The following OSBPL3 variants were observed in gnomAD, a reference collection of about 807,000 sequenced individuals.
OSBPL3 encodes oxysterol binding protein like 3.
A neutral mutation model predicts 120.1 loss-of-function variants in OSBPL3; 65 were observed. The ratio of observed to expected loss-of-function variants is 0.54; its 90% CI spans 0.44 to 0.67. The LOEUF (loss-of-function observed/expected upper bound fraction) is 0.67. Ranked by LOEUF, OSBPL3 falls within the 30% of genes least tolerant of loss-of-function variation. The probability of loss-of-function intolerance (pLI) is 0.00; values close to 1 mark genes in which losing one functional copy is unlikely to be tolerated. For missense variants in OSBPL3, 1,004 were observed against 1,082.1 expected, an observed-to-expected ratio of 0.93 and a Z score of 1.01; for synonymous variants, 416 against 402.6, an observed-to-expected ratio of 1.03 and a Z score of -0.40.
Position 24,852,730 on chromosome 7 carries a change from G to GT in OSBPL3, c.1028-97dup. ...ATCTCTTATAAAAGAAACAAGCAAAGTAACAGCCCTGAATATTTTGAGTAT... is the reference window on the plus strand; with the variant it reads ...ATCTCTTATAAAAGAAACAAGCAAAGTTAACAGCCCTGAATATTTTGAGTAT... On this transcript the variant is annotated intron_variant, in intron 10 of 22. Coordinates refer to ENST00000313367, the MANE Select transcript of OSBPL3 (RefSeq NM_015550.4). The surrounding 1 kb of genome is among the most constrained non-coding windows in gnomAD (Gnocchi z 4.1). 2 of 784,106 alleles carry GT rather than the reference G, an allele frequency of 2.6e-6. No homozygotes were observed. Among genetic ancestry groups the GT allele is most frequent in the East Asian group, 5.8e-5 (2 of 34,234 alleles). The allele number at this position is 784,106 out of a possible 1,614,324, so 48.6% of individuals were successfully genotyped here.
chr7:24,876,897 C>T (rs1802929166), intron 2 of OSBPL3, among the ~76,000 whole-genome samples: 2 of 152,260 alleles, frequency 1.3e-5, no homozygotes, highest in South Asian at 4.1e-4. Flanking sequence ...AATAGAGCAA[C>T]TACAATAGCT....
At chr7:24,902,422 G>A (rs140680993) in intron 1 of OSBPL3, among the ~76,000 whole-genome samples, 3 of 152,012 alleles carry the variant, frequency 2.0e-5, no homozygotes, top group African/African-American at 7.2e-5. Context: ...CACACATTCT[G>A]TTCCATTCCT....
At chr7:24,832,118 G>A (rs1207460160) in intron 15 of OSBPL3, among the ~76,000 whole-genome samples, 1 of 150,040 alleles carries the variant, frequency 6.7e-6, no homozygotes, top group Non-Finnish European at 1.5e-5. Flanking sequence ...GAAGTGGGAG[G>A]ACTGATTGAG....
chr7:24,898,498 G>C lies in OSBPL3; in HGVS notation c.-149-5877C>G, dbSNP rs1161220179. Among the ~76,000 whole-genome samples, 1 of 152,080 alleles carries C rather than the reference G, an allele frequency of 6.6e-6. No individual in the cohort carries two copies. The highest frequency in any genetic ancestry group is 6.5e-5 in the Admixed American group (1 of 15,278). On this transcript the variant is annotated intron_variant, in intron 1 of 22. Coordinates refer to ENST00000313367, the MANE Select transcript of OSBPL3 (RefSeq NM_015550.4). The surrounding 1 kb of genome is among the most constrained non-coding windows in gnomAD (Gnocchi z 4.3). ...CAAGACAGGAGTCAAGAGGCCTAAAGACTCAAATGCTTACTCTGGCACAAT... is the reference window on the plus strand; with the variant it reads ...CAAGACAGGAGTCAAGAGGCCTAAACACTCAAATGCTTACTCTGGCACAAT...
chr7:24,935,855 T>G (rs1192717565), intron 1 of OSBPL3, among the ~76,000 whole-genome samples: 1 of 152,104 alleles, frequency 6.6e-6, no homozygotes, highest in African/African-American at 2.4e-5. Flanking sequence ...AAAAAAGGTA[T>G]GTTCTGTATA....
At position 24,821,013 on chromosome 7, in the gene OSBPL3, GA is replaced by G. The variant is rs1795068105; in HGVS notation, c.1885-776del. ...TATTCAGCAGTGAAGAGGCTGAAGA[GA>G]AAATGGCTCCTCCCTCTATTTCCTC... On this transcript the variant is annotated intron_variant, in intron 16 of 22. Coordinates refer to ENST00000313367, the MANE Select transcript of OSBPL3 (RefSeq NM_015550.4). This position sits in a 1 kb window ranked among gnomAD's most constrained non-coding sequence, Gnocchi z 5.5. Among the ~76,000 whole-genome samples, 1 of 152,220 alleles carries G rather than the reference GA, an allele frequency of 6.6e-6. No individual in the cohort carries two copies. The highest frequency in any genetic ancestry group is 2.1e-4 in the South Asian group (1 of 4,832).
rs967684775 is a variant in OSBPL3, at chr7:24,907,730, C to T, written c.-149-15109G>A. ...CTCAACCCCTCTCCCACCCCAAATG[C>T]GTTTGTTTCCTCTTGGACTCTGCTT... is the stretch of plus-strand genomic sequence containing the variant. On this transcript the variant is annotated intron_variant, in intron 1 of 22. Transcript: ENST00000313367. Among the ~76,000 whole-genome samples the T allele has an allele frequency of 8.5e-5, 13 of 152,194 alleles. 1 individual carries two copies. Among genetic ancestry groups the T allele is most frequent in the Admixed American group, 7.2e-4 (11 of 15,282 alleles).
intron 12 of OSBPL3, among the ~76,000 whole-genome samples, chr7:24,847,790 T>C (rs777510172): frequency 4.6e-5 from 7 of 152,236 alleles, no homozygotes; most frequent in Non-Finnish European, 7.3e-5. Context: ...ATCCTGGCCA[T>C]GACTGGGTCC....
chr7:24,914,176 G>C (rs1460505009), intron 1 of OSBPL3, among the ~76,000 whole-genome samples: 1 of 151,994 alleles, frequency 6.6e-6, no homozygotes, highest in East Asian at 1.9e-4. Context: ...CAAGGGAGAA[G>C]AGACAAGAGC....
At position 24,802,890 on chromosome 7, in the gene OSBPL3, A is replaced by G. The variant is rs117541982; in HGVS notation, c.2567+1425T>C. Among the ~76,000 whole-genome samples the G allele has an allele frequency of 0.013, 1,910 of 152,314 alleles. 23 individuals are homozygous for G. The highest frequency in any genetic ancestry group is 0.017 in the Middle Eastern group (5 of 294). On this transcript the variant is annotated intron_variant, in intron 22 of 22. Transcript: ENST00000313367. This position sits in a 1 kb window ranked among gnomAD's most constrained non-coding sequence, Gnocchi z 4.1. ...TATTTCTTGCCTTTTTCAAAAAAGAATGTAACATTTCCATCTTATTCTTTA... is the reference window on the plus strand; with the variant it reads ...TATTTCTTGCCTTTTTCAAAAAAGAGTGTAACATTTCCATCTTATTCTTTA...
intron 1 of OSBPL3, among the ~76,000 whole-genome samples, chr7:24,909,621 C>CT (rs1202347863): frequency 6.6e-6 from 1 of 152,092 alleles, no homozygotes; most frequent in East Asian, 1.9e-4. Flanking sequence ...GCTGGCATGC[C>CT]TTCAAATTAG....
chr7:24,896,118 GGT>G lies in OSBPL3; in HGVS notation c.-149-3499_-149-3498del, dbSNP rs1381409617. On this transcript the variant is annotated intron_variant, in intron 1 of 22. Coordinates refer to ENST00000313367, the MANE Select transcript of OSBPL3 (RefSeq NM_015550.4). This position sits in a 1 kb window ranked among gnomAD's most constrained non-coding sequence, Gnocchi z 4.4. The stretch of plus-strand genomic sequence containing the variant: ...CAGGAACAGGTTTTATGGCTACTTT[GGT>G]GCATTCTGCCTAATGTCAGTGTTTG... Among the ~76,000 whole-genome samples the G allele has an allele frequency of 1.3e-5, 2 of 152,128 alleles. No individual in the cohort carries two copies. Among genetic ancestry groups the G allele is most frequent in the Non-Finnish European group, 2.9e-5 (2 of 68,014 alleles).
At position 24,834,794 on chromosome 7, in the gene OSBPL3, T is replaced by A; in HGVS notation, c.1496-58A>T. 1 of 1,438,616 alleles carries A rather than the reference T, an allele frequency of 7.0e-7. No individual in the cohort carries two copies. Among genetic ancestry groups the A allele is most frequent in the African/African-American group, 1.4e-5 (1 of 70,234 alleles). The allele number at this position is 1,438,616 out of a possible 1,614,324, so 89.1% of individuals were successfully genotyped here. On this transcript the variant is annotated intron_variant, in intron 14 of 22. Coordinates refer to ENST00000313367, the MANE Select transcript of OSBPL3 (RefSeq NM_015550.4). The surrounding 1 kb of genome is among the most constrained non-coding windows in gnomAD (Gnocchi z 5.2). ...AAGCTTTTCATTTTATTCTATTATT[T>A]TTAATCCACGAATAAAACCTTACGT...
At chr7:24,887,738 C>G (rs1804741067) in intron 2 of OSBPL3, among the ~76,000 whole-genome samples, 1 of 152,158 alleles carries the variant, frequency 6.6e-6, no homozygotes, top group South Asian at 2.1e-4. Context: ...GCCTTATGCC[C>G]AGAAGTCACA....
At chr7:24,892,797 A>G (rs983006540) in intron 1 of OSBPL3, among the ~76,000 whole-genome samples, 176 bp from the exon 2 acceptor site, 7 of 152,222 alleles carry the variant, frequency 4.6e-5, no homozygotes, top group Admixed American at 3.3e-4. Flanking sequence ...GGAATTTTGT[A>G]TAGGTGGTTT....
chr7:24,890,380 G>A (rs1805165800), intron 2 of OSBPL3, among the ~76,000 whole-genome samples: 1 of 152,166 alleles, frequency 6.6e-6, no homozygotes, highest in Admixed American at 6.5e-5. Context: ...CATCGGAAAT[G>A]GCTGTGCCCT....
chr7:24,868,497 G>A (rs1327622084), intron 5 of OSBPL3, among the ~76,000 whole-genome samples: 2 of 151,796 alleles, frequency 1.3e-5, no homozygotes, highest in Non-Finnish European at 2.9e-5. Flanking sequence ...ATGCACAGTA[G>A]GTTAACTTCC....
Position 24,963,060 on chromosome 7 carries a change from C to T in OSBPL3, c.-150+16826G>A, listed in dbSNP as rs529630957. Among the ~76,000 whole-genome samples the T allele has an allele frequency of 3.3e-5, 5 of 152,154 alleles. No individual in the cohort carries two copies. In the East Asian group the frequency reaches 5.8e-4, roughly 18 times the overall value. ...AACTTTTTGATGACTGAATTATTTC[C>T]GCTTACAAAGGAAAATAAGCTTCTT... is the stretch of plus-strand genomic sequence containing the variant. On this transcript the variant is annotated intron_variant, in intron 1 of 22. Coordinates refer to ENST00000313367, the MANE Select transcript of OSBPL3 (RefSeq NM_015550.4).
At chr7:24,924,287 T>C (rs547888613) in intron 1 of OSBPL3, among the ~76,000 whole-genome samples, 3 of 152,266 alleles carry the variant, frequency 2.0e-5, no homozygotes, top group East Asian at 1.9e-4. Flanking sequence ...AGGGAGATAA[T>C]AGGAGGCCAC....
Sources: gnomAD v4.1 joint callset for allele counts (sites outside exome capture counted in the v4.1 genomes callset) on GRCh38, gnomAD v4.1.1 for gene constraint, Gnocchi (gnomAD v3.1) non-coding constraint, MANE v1.5 for transcripts, NCBI Gene and HGNC (gene_info 2026-07-23, HGNC 2026-07-21) for gene names.